The following DERA variants were observed in gnomAD, a reference collection of about 807,000 sequenced individuals.
DERA encodes deoxyribose-phosphate aldolase.
DERA carries 15 observed loss-of-function variants against 41.1 expected under a neutral mutation model. The ratio of observed to expected loss-of-function variants is 0.37; its 90% CI spans 0.24 to 0.56. The LOEUF is 0.56. DERA is among the 20% of genes least tolerant of loss of function. The pLI is 0.81. For missense variants in DERA, 396 were observed against 403.4 expected (o/e 0.98, Z 0.16); for synonymous variants, 139 against 137.4 (o/e 1.01, Z -0.08).
chr12:15,927,098 T>G lies in DERA; in HGVS notation c.31+15684T>G, dbSNP rs185554425. 4.6e-3 allele frequency among the ~76,000 whole-genome samples: 702 copies of G among 152,346 alleles called. 2 individuals carry two copies. The highest frequency in any genetic ancestry group is 0.01 in the Middle Eastern group (3 of 294). On this transcript the variant is annotated intron_variant, in intron 1 of 8. Transcript: ENST00000428559. ...TGATACTGATCAAGTAGTTACATAA[T>G]AATATAATTGATTTTGTTAAAGTTG...
At position 15,938,939 on chromosome 12, in the gene DERA, A is replaced by G. The variant is rs1948390657; in HGVS notation, c.32-17997A>G. On this transcript the variant is annotated intron_variant, in intron 1 of 8. Transcript: ENST00000428559. The surrounding 1 kb of genome is among the most constrained non-coding windows in gnomAD (Gnocchi z 4.1). ...TAGGAGCTTGTGGTAGCTAGTCTCC[A>G]GAGATGGACCACGTCTCTGGTATTG... Among the ~76,000 whole-genome samples, 2 of 152,224 alleles carry G rather than the reference A, an allele frequency of 1.3e-5. No homozygotes were observed. Among genetic ancestry groups the G allele is most frequent in the Admixed American group, 1.3e-4 (2 of 15,284 alleles).
At chr12:15,991,083 A>C (rs1012729115) in intron 6 of DERA, among the ~76,000 whole-genome samples, 1 of 152,154 alleles carries the variant, frequency 6.6e-6, no homozygotes, top group Non-Finnish European at 1.5e-5. Context: ...AACAGTGTAA[A>C]ATAGGTCCTT....
chr12:15,955,734 ATGAG>A (rs1948533276), intron 1 of DERA, among the ~76,000 whole-genome samples: 1 of 152,216 alleles, frequency 6.6e-6, no homozygotes, highest in Non-Finnish European at 1.5e-5. Flanking sequence ...TGAAATGAAA[ATGAG>A]TGAGAGAAAG....
At position 15,966,438 on chromosome 12, in the gene DERA, T is replaced by C. The variant is rs573877610; in HGVS notation, c.508+3491T>C. ...AAGATTGCGCCACTGCACTGCAACC[T>C]GAGGGACAGAGTGAGATTCCCTCTC... On this transcript the variant is annotated intron_variant, in intron 5 of 8. Transcript: ENST00000428559. The surrounding 1 kb of genome is among the most constrained non-coding windows in gnomAD (Gnocchi z 5.1). 5.3e-4 allele frequency among the ~76,000 whole-genome samples: 80 copies of C among 150,724 alleles called. 1 individual carries two copies. Among genetic ancestry groups the C allele is most frequent in the African/African-American group, 1.9e-3 (78 of 40,950 alleles).
intron 6 of DERA, among the ~76,000 whole-genome samples, chr12:16,016,886 T>C (rs1948986546): frequency 6.6e-6 from 1 of 151,910 alleles, no homozygotes; most frequent in African/African-American, 2.4e-5. Flanking sequence ...AACTTATTTC[T>C]GGCATTACTA....
chr12:15,935,837 TG>T lies in DERA; in HGVS notation c.32-21096del, dbSNP rs1948360701. 6.6e-6 allele frequency among the ~76,000 whole-genome samples: 1 copy of T among 152,314 alleles called. No individual in the cohort carries two copies. Among genetic ancestry groups the T allele is most frequent in the African/African-American group, 2.4e-5 (1 of 41,580 alleles). On this transcript the variant is annotated intron_variant, in intron 1 of 8. Transcript: ENST00000428559. This position sits in a 1 kb window ranked among gnomAD's most constrained non-coding sequence, Gnocchi z 4.8. Reference sequence around the variant, plus strand: ...GTCAAAAATTTGAGAATGGCTTAGCTGGGTGGTTCTGGCTTGGGGTCTCTCA... The same window carrying T: ...GTCAAAAATTTGAGAATGGCTTAGCTGGTGGTTCTGGCTTGGGGTCTCTCA...
At chr12:15,978,008 C>T (rs1450966) in intron 5 of DERA, among the ~76,000 whole-genome samples, 94,796 of 152,056 alleles carry the variant, frequency 0.62, 29,912 homozygotes, top group East Asian at 0.82. Flanking sequence ...AACTCCATAC[C>T]CCACCATTGT....
chr12:16,025,884 C>T (rs971479982), intron 6 of DERA, among the ~76,000 whole-genome samples: 1 of 152,040 alleles, frequency 6.6e-6, no homozygotes, highest in African/African-American at 2.4e-5. Flanking sequence ...AGCTAGAATT[C>T]AATAGCAGAA....
At position 15,988,927 on chromosome 12, in the gene DERA, C is replaced by T. The variant is rs148148786; in HGVS notation, c.637+6491C>T. On this transcript the variant is annotated intron_variant, in intron 6 of 8. Coordinates refer to ENST00000428559, the MANE Select transcript of DERA (RefSeq NM_015954.4). This position sits in a 1 kb window ranked among gnomAD's most constrained non-coding sequence, Gnocchi z 6.0. ...AGGCGGTGGGAGGCTGGCGTGTCAG[C>T]GCTGCCCTGAATGTGTGCACACTCA... Among the ~76,000 whole-genome samples the T allele has an allele frequency of 8.2e-3, 1,253 of 152,324 alleles. 16 individuals carry two copies. The highest frequency in any genetic ancestry group is 0.028 in the African/African-American group (1,162 of 41,568).
chr12:15,980,963 T>C (rs1948728672), intron 5 of DERA, among the ~76,000 whole-genome samples: 1 of 152,224 alleles, frequency 6.6e-6, no homozygotes, highest in Non-Finnish European at 1.5e-5. Flanking sequence ...CTGTGAATTA[T>C]AGAACTCTCA....
In DERA at chr12:15,918,999, A is replaced by C. The variant is rs573436578; in HGVS notation, c.31+7585A>C. 6.6e-6 allele frequency among the ~76,000 whole-genome samples: 1 copy of C among 152,230 alleles called. No homozygotes were observed. The highest frequency in any genetic ancestry group is 2.1e-4 in the South Asian group (1 of 4,826). Reference sequence around the variant, plus strand: ...TGAAGAAAGAAAAAAAATCCTTCATAGCCTATGTGTGAAATACATACACAG... The same window carrying C: ...TGAAGAAAGAAAAAAAATCCTTCATCGCCTATGTGTGAAATACATACACAG... On this transcript the variant is annotated intron_variant, in intron 1 of 8. Coordinates refer to ENST00000428559, the MANE Select transcript of DERA (RefSeq NM_015954.4). This position sits in a 1 kb window ranked among gnomAD's most constrained non-coding sequence, Gnocchi z 4.3.
chr12:15,949,831 A>G (rs1483314855), intron 1 of DERA, among the ~76,000 whole-genome samples: 2 of 152,152 alleles, frequency 1.3e-5, no homozygotes, highest in Admixed American at 6.5e-5. Flanking sequence ...CTATTCTACC[A>G]TCTTGGAACC....
chr12:15,966,594 C>T lies in DERA; in HGVS notation c.508+3647C>T, dbSNP rs1235539126. Among the ~76,000 whole-genome samples the T allele has an allele frequency of 6.6e-5, 10 of 152,142 alleles. No homozygotes were observed. The highest frequency in any genetic ancestry group is 1.5e-5 in the Non-Finnish European group (1 of 68,028). ...CTCCCCAGTTGTTTATTCAGCATTA[C>T]CATGCAACATATGACACAGCAGACT... On this transcript the variant is annotated intron_variant, in intron 5 of 8. Coordinates refer to ENST00000428559, the MANE Select transcript of DERA (RefSeq NM_015954.4). This position sits in a 1 kb window ranked among gnomAD's most constrained non-coding sequence, Gnocchi z 5.1.
In DERA at chr12:15,999,413, G is replaced by T. The variant is rs879304135; in HGVS notation, c.637+16977G>T. 1.3e-5 allele frequency among the ~76,000 whole-genome samples: 2 copies of T among 152,222 alleles called. No individual in the cohort carries two copies. Among genetic ancestry groups the T allele is most frequent in the Admixed American group, 1.3e-4 (2 of 15,280 alleles). On this transcript the variant is annotated intron_variant, in intron 6 of 8. Coordinates refer to ENST00000428559, the MANE Select transcript of DERA (RefSeq NM_015954.4). The surrounding 1 kb of genome is among the most constrained non-coding windows in gnomAD (Gnocchi z 5.3). ...ATGATTTGTCATTTTGGGAAAGCAG[G>T]TGATGTGGGGACACGTTTTCCAAGC...
Position 16,012,145 on chromosome 12 carries a change from GTGTT to G in DERA, c.638-20396_638-20393del. Among the ~76,000 whole-genome samples, 1 of 152,344 alleles carries G rather than the reference GTGTT, an allele frequency of 6.6e-6. No homozygotes were observed. The highest frequency in any genetic ancestry group is 1.5e-5 in the Non-Finnish European group (1 of 68,034). ...CTAGCATAGAGTGGGTGCTCAGTAAGTGTTAGTTAAATGGATGTTGAAGGGTTGG... is the reference window on the plus strand; with the variant it reads ...CTAGCATAGAGTGGGTGCTCAGTAAGAGTTAAATGGATGTTGAAGGGTTGG... On this transcript the variant is annotated intron_variant, in intron 6 of 8. Transcript: ENST00000428559. The surrounding 1 kb of genome is among the most constrained non-coding windows in gnomAD (Gnocchi z 4.1).
At chr12:15,987,774 C>T (rs1322494940) in intron 6 of DERA, among the ~76,000 whole-genome samples, 1 of 152,050 alleles carries the variant, frequency 6.6e-6, no homozygotes, top group Non-Finnish European at 1.5e-5. Context: ...AACCTCCGTG[C>T]ACTTCTGCTT....
chr12:16,016,435 G>A (rs1948982597), intron 6 of DERA, among the ~76,000 whole-genome samples: 1 of 152,140 alleles, frequency 6.6e-6, no homozygotes, highest in African/African-American at 2.4e-5. Flanking sequence ...AAGTGGTCTT[G>A]TAAACACTTG....
chr12:15,959,808 A>G lies in DERA; in HGVS notation c.278-21A>G, dbSNP rs763890726. 2 of 1,512,202 alleles carry G rather than the reference A, an allele frequency of 1.3e-6. No individual in the cohort carries two copies. Among genetic ancestry groups the G allele is most frequent in the African/African-American group, 1.4e-5 (1 of 72,594 alleles). The allele number at this position is 1,512,202 out of a possible 1,614,324, so 93.7% of individuals were successfully genotyped here. A position where few individuals can be genotyped will look rare whatever the true frequency, so the allele number is the denominator to read the frequency against. ...AGTTGAACTTCATTGAAAGTTGGCT[A>G]TTCCTATTTTTTCTTGATAGGCATT... On this transcript the variant is annotated intron_variant, in intron 3 of 8. Coordinates refer to ENST00000428559, the MANE Select transcript of DERA (RefSeq NM_015954.4). This position sits in a 1 kb window ranked among gnomAD's most constrained non-coding sequence, Gnocchi z 4.5.
At position 15,915,480 on chromosome 12, in the gene DERA, A is replaced by G. The variant is rs145044948; in HGVS notation, c.31+4066A>G. Reference sequence around the variant, plus strand: ...ATTTGTTTATTTATTGTTTCAATAGAGACCGTGTGTCAGTATGTTGACCAG... The same window carrying G: ...ATTTGTTTATTTATTGTTTCAATAGGGACCGTGTGTCAGTATGTTGACCAG... On this transcript the variant is annotated intron_variant, in intron 1 of 8. Coordinates refer to ENST00000428559, the MANE Select transcript of DERA (RefSeq NM_015954.4). The surrounding 1 kb of genome is among the most constrained non-coding windows in gnomAD (Gnocchi z 4.8). 1.6e-3 allele frequency among the ~76,000 whole-genome samples: 250 copies of G among 152,272 alleles called. 1 individual carries two copies. The highest frequency in any genetic ancestry group is 4.4e-3 in the African/African-American group (181 of 41,542).
Sources: allele counts gnomAD v4.1 joint callset (sites outside exome capture counted in the v4.1 genomes callset), GRCh38; gene constraint gnomAD v4.1.1; non-coding constraint Gnocchi (gnomAD v3.1); transcripts MANE v1.5; gene names NCBI Gene and HGNC (gene_info 2026-07-23, HGNC 2026-07-21).